RBFOX1: variants seen among roughly 807,000 people sequenced by gnomAD.
RBFOX1 encodes the protein RNA binding fox-1 homolog 1, also known as RNA binding protein fox-1 homolog 1.
RBFOX1 carries 8 observed loss-of-function variants against 57.7 expected under a neutral mutation model. That is an observed-to-expected ratio of 0.14 (90% CI 0.08 to 0.25). The LOEUF (loss-of-function observed/expected upper bound fraction) is 0.25. RBFOX1 is among the 10% of genes least tolerant of loss of function. The pLI is 1.00. For synonymous variants in RBFOX1, 326 were observed against 222.4 expected (o/e 1.47, Z -4.15); for missense variants, 611 against 548.5 (o/e 1.11, Z -1.14).
intron 1 of RBFOX1, among the ~76,000 whole-genome samples, chr16:5,462,712 A>G (rs1207417274): frequency 6.6e-6 from 1 of 152,126 alleles, no homozygotes; most frequent in Non-Finnish European, 1.5e-5. Context: ...GGAAAGAAGG[A>G]ATTGGTGTCT....
rs1304036861 is a variant in RBFOX1, at chr16:6,739,761, C to T, written c.-16+85111C>T. Reference sequence around the variant, plus strand: ...GCGTGGTGGCAGGTGCCTGTAGTCTCGGCTCCTCGGGAGGCTGAGGCAGGA... The same window carrying T: ...GCGTGGTGGCAGGTGCCTGTAGTCTTGGCTCCTCGGGAGGCTGAGGCAGGA... On this transcript the variant is annotated intron_variant, in intron 3 of 15. Transcript: ENST00000550418. Among the ~76,000 whole-genome samples the T allele has an allele frequency of 8.5e-5, 13 of 152,178 alleles. No homozygotes were observed. In the South Asian group the frequency reaches 1.2e-3, roughly 15 times the overall value.
chr16:5,890,430 G>A (rs746550439), intron 4 of RBFOX1, among the ~76,000 whole-genome samples: 1 of 152,094 alleles, frequency 6.6e-6, no homozygotes, highest in Non-Finnish European at 1.5e-5. Context: ...TGGGCGCAGT[G>A]GCTCATGCCT....
intron 3 of RBFOX1, among the ~76,000 whole-genome samples, chr16:6,865,883 G>T (rs2059826872): frequency 6.6e-6 from 1 of 151,928 alleles, no homozygotes; most frequent in Non-Finnish European, 1.5e-5. Flanking sequence ...CAAGTCTTTT[G>T]CCTTCTAAGT....
intron 2 of RBFOX1, among the ~76,000 whole-genome samples, chr16:6,424,474 A>T (rs2093864742): frequency 6.6e-6 from 1 of 152,144 alleles, no homozygotes; most frequent in Non-Finnish European, 1.5e-5. Flanking sequence ...CTAAACATTA[A>T]AAGTGAAGGA....
rs1454636533 is a variant in RBFOX1, at chr16:5,746,578, A to T, written c.319-120725A>T. 9.2e-5 allele frequency among the ~76,000 whole-genome samples: 14 copies of T among 152,162 alleles called. No individual in the cohort carries two copies. The East Asian group carries it at 2.7e-3, about 29-fold the overall frequency. On this transcript the variant is annotated intron_variant, in intron 3 of 19. Coordinates refer to the RBFOX1 transcript ENST00000641259. Reference sequence around the variant, plus strand: ...GGTTCTTCCTATCCATGAGCATGGAATGTTCTTCTATTTGTTTGTGTCCTC... The same window carrying T: ...GGTTCTTCCTATCCATGAGCATGGATTGTTCTTCTATTTGTTTGTGTCCTC...
rs989550590 is a variant in RBFOX1 at position 7,301,620 on chromosome 16, C to T, written c.28-216527C>T. 5.3e-5 allele frequency among the ~76,000 whole-genome samples: 8 copies of T among 152,208 alleles called. No homozygotes were observed. In the South Asian group the frequency reaches 1.7e-3, roughly 32 times the overall value. Reference sequence around the variant, plus strand: ...CATAATGTATTTGTTTTTCATTAAACCGTTCAGATAAAGTCTTATTAAAGT... The same window carrying T: ...CATAATGTATTTGTTTTTCATTAAATCGTTCAGATAAAGTCTTATTAAAGT... On this transcript the variant is annotated intron_variant, in intron 4 of 15. Coordinates refer to ENST00000550418, the MANE Select transcript of RBFOX1 (RefSeq NM_018723.4).
chr16:5,487,508 G>C (rs1473476192), intron 2 of RBFOX1, among the ~76,000 whole-genome samples: 1 of 152,186 alleles, frequency 6.6e-6, no homozygotes, highest in Non-Finnish European at 1.5e-5. Context: ...CTCTGTTGCA[G>C]AAAACTCAAG....
chr16:7,655,077 C>T (rs2065973359), intron 12 of RBFOX1, among the ~76,000 whole-genome samples: 3 of 152,192 alleles, frequency 2.0e-5, no homozygotes, highest in African/African-American at 7.2e-5. Flanking sequence ...CTTTTCATAG[C>T]TCTGTTGCTT....
intron 3 of RBFOX1, among the ~76,000 whole-genome samples, chr16:6,873,592 T>C (rs912552204): frequency 5.3e-5 from 8 of 152,200 alleles, no homozygotes; most frequent in African/African-American, 1.9e-4. Context: ...TTAAACATAT[T>C]ACACGTCTAG....
At chr16:7,417,528 T>TTGTGTGTGTGTTTGTGTGTG (rs1555882380) in intron 4 of RBFOX1, among the ~76,000 whole-genome samples, 30 of 68,460 alleles carry the variant, frequency 4.4e-4, no homozygotes, top group East Asian at 1.5e-3. Context: ...TCACATGGTA[T>TTGTGTGTGTGTTTGTGTGTG]TGTGTGTGTG....
At chr16:6,018,644 C>G (rs951682526), upstream of RBFOX1, among the ~76,000 whole-genome samples, 1 of 152,094 alleles carries the variant, frequency 6.6e-6, no homozygotes, top group African/African-American at 2.4e-5. Flanking sequence ...GGATAGGGCT[C>G]GATCTCTGCC....
chr16:5,811,340 C>T (rs1321831589), intron 3 of RBFOX1, among the ~76,000 whole-genome samples: 1 of 151,532 alleles, frequency 6.6e-6, no homozygotes, highest in African/African-American at 2.4e-5. Flanking sequence ...CCCTGGTTTC[C>T]CTATGTTAGC....
chr16:5,821,158 T>G (rs2055839127), intron 3 of RBFOX1, among the ~76,000 whole-genome samples: 1 of 152,098 alleles, frequency 6.6e-6, no homozygotes, highest in South Asian at 2.1e-4. Context: ...CAGACTGCTG[T>G]CATTTTCTCC....
chr16:5,257,515 G>A (rs1364731211), intron 1 of RBFOX1, among the ~76,000 whole-genome samples: 5 of 152,222 alleles, frequency 3.3e-5, no homozygotes, highest in East Asian at 1.9e-4. Flanking sequence ...TCCAAGAGAT[G>A]AATACGTTTG....
intron 1 of RBFOX1, among the ~76,000 whole-genome samples, chr16:6,208,965 T>C (rs1435168818): frequency 6.6e-6 from 1 of 152,210 alleles, no homozygotes; most frequent in Non-Finnish European, 1.5e-5. Flanking sequence ...CATTTTTTTT[T>C]TGTGACCCAA....
chr16:6,856,961 A>G (rs1469447032), intron 3 of RBFOX1, among the ~76,000 whole-genome samples: 1 of 152,186 alleles, frequency 6.6e-6, no homozygotes, highest in Non-Finnish European at 1.5e-5. Context: ...ATGAGAAGAA[A>G]GGGAGGGACA....
chr16:6,129,757 A>AC (rs1473167574), intron 1 of RBFOX1, among the ~76,000 whole-genome samples: 1 of 151,896 alleles, frequency 6.6e-6, no homozygotes, highest in Non-Finnish European at 1.5e-5. Flanking sequence ...GAAAAAAAAA[A>AC]ACCATAGATA....
chr16:6,158,918 T>G (rs953315592), intron 1 of RBFOX1, among the ~76,000 whole-genome samples: 1 of 151,924 alleles, frequency 6.6e-6, no homozygotes, highest in African/African-American at 2.4e-5. Context: ...TTGTTTTTTT[T>G]TTTTGAGACA....
chr16:7,013,353 G>C (rs187493865), intron 3 of RBFOX1, among the ~76,000 whole-genome samples: 33 of 152,254 alleles, frequency 2.2e-4, no homozygotes, highest in African/African-American at 7.9e-4. Flanking sequence ...ACATAAACCA[G>C]TCCCTCTCAC....
Sources: allele counts gnomAD v4.1 joint callset (sites outside exome capture counted in the v4.1 genomes callset), GRCh38; gene constraint gnomAD v4.1.1; transcripts MANE v1.5; gene names NCBI Gene and HGNC (gene_info 2026-07-23, HGNC 2026-07-21).